ASPM: variants seen among roughly 807,000 people sequenced by gnomAD.
The protein encoded by ASPM is abnormal spindle-like microcephaly-associated protein.
ASPM carries 256 observed loss-of-function variants against 366.4 expected under a neutral mutation model. The ratio of observed to expected loss-of-function variants is 0.70; its 90% CI spans 0.63 to 0.77. The LOEUF (loss-of-function observed/expected upper bound fraction) is 0.77, where lower values mean the gene tolerates loss of function less well. ASPM is among the 30% of genes least tolerant of loss of function. The pLI, the probability that ASPM is intolerant of heterozygous loss-of-function variation, is 0.00. For missense variants in ASPM, 4,146 were observed against 4,090.4 expected, an observed-to-expected ratio of 1.01 and a Z score of -0.37; for synonymous variants, 1,414 against 1,342.9, an observed-to-expected ratio of 1.05 and a Z score of -1.16.
Position 197,091,919 on chromosome 1 carries a change from G to C in ASPM, c.9432C>G (p.Val3144=), listed in dbSNP as rs765140674. Reference sequence around the variant, plus strand: ...AGAAGAAGCAAACCTGAATACAGATGACTGAATTAACCTGCTTGTTAGCAT... The same window carrying C: ...AGAAGAAGCAAACCTGAATACAGATCACTGAATTAACCTGCTTGTTAGCAT... ...VKNANKQVNS[V]ICIQRWFRAR... The change falls in exon 22 of 28, where the codon GTC becomes GTG. Residue 3144 remains valine, a synonymous_variant. Transcript: ENST00000367409. 1.1e-5 allele frequency: 17 copies of C among 1,610,048 alleles called. No homozygotes were observed. In the South Asian group the frequency reaches 1.9e-4, roughly 18 times the overall value.
intron 17 of ASPM, among the ~76,000 whole-genome samples, chr1:197,109,742 G>A (rs1657529002): frequency 6.6e-6 from 1 of 151,888 alleles, no homozygotes; most frequent in Non-Finnish European, 1.5e-5. Context: ...AGAAATAAGT[G>A]AGTTTTTTTA....
At position 197,121,973 on chromosome 1, in the gene ASPM, C is replaced by T. The variant is rs762167214; in HGVS notation, c.3812G>A (p.Arg1271Gln). Residue 1271 changes from arginine to glutamine, a missense_variant, in exon 16 of 28, where the codon CGA becomes CAA. Arg to Gln is a conservative substitution (Grantham distance 43). Coordinates refer to ENST00000367409, the MANE Select transcript of ASPM (RefSeq NM_018136.5). ...LDLRKEIRAARLIQTTWRKYK... is the reference protein window; with the variant it reads ...LDLRKEIRAAQLIQTTWRKYK... ...TTTTCTCCATGTTGTTTGTATGAGT[C>T]GAGCAGCTCTTATTTCTTTACGAAG... 6.8e-6 allele frequency: 11 copies of T among 1,611,162 alleles called. No individual in the cohort carries two copies. The highest frequency in any genetic ancestry group is 2.2e-5 in the East Asian group (1 of 44,772).
rs536720246 is a variant in ASPM at position 197,116,935 on chromosome 1, G to A, written c.4065+854C>T. ...GGTTAGCTTGAGCTGGGATGGGAGA[G>A]TTAATTGAAAAATGCCTTTTGCTAC... On this transcript the variant is annotated intron_variant, in intron 17 of 27. Transcript: ENST00000367409. Among the ~76,000 whole-genome samples the A allele has an allele frequency of 1.4e-4, 21 of 152,202 alleles. 1 individual carries two copies. The East Asian group carries it at 3.9e-3, about 28-fold the overall frequency.
Position 197,104,254 on chromosome 1 carries a change from T to A in ASPM, c.4997A>T (p.Tyr1666Phe). The change falls in exon 18 of 28, where the codon TAT becomes TTT. Residue 1666 changes from tyrosine to phenylalanine, a missense_variant. Physicochemically the swap from Tyr to Phe is conservative, Grantham distance 22 (BLOSUM62 3). Around this residue, in one of 3 missense-constraint regions of ASPM, gnomAD observed 3,624 missense variants for 3,591.7 expected, o/e 1.01. Coordinates refer to ENST00000367409, the MANE Select transcript of ASPM (RefSeq NM_018136.5). ...TTCCTTTTTAGAAACATAAGCACGA[T>A]AATATGATTGAATCTTTATAACAGA... The part of the protein sequence containing the change: ...LTSVIKIQSY[Y>F]RAYVSKKEFL... The A allele has an allele frequency of 6.2e-7, 1 of 1,612,940 alleles. No individual in the cohort carries two copies. The highest frequency in any genetic ancestry group is 8.5e-7 in the Non-Finnish European group (1 of 1,179,390).
At chr1:197,097,006 C>T (rs1173204222) in intron 18 of ASPM, among the ~76,000 whole-genome samples, 1 of 151,744 alleles carries the variant, frequency 6.6e-6, no homozygotes, top group Non-Finnish European at 1.5e-5. Flanking sequence ...AACATCCCTA[C>T]AGGAAGAGGA....
intron 4 of ASPM, chr1:197,138,944 T>C: frequency 1.3e-6 from 1 of 761,484 alleles, no homozygotes; most frequent in Non-Finnish European, 2.4e-6. Flanking sequence ...TTTCAGCTTC[T>C]TTCTCCTTGA....
chr1:197,132,297 T>C lies in ASPM; in HGVS notation c.2475A>G (p.Arg825=). ...AATATATGCTTACCTCTAGACCAAT[T>C]CGAAGCCACAAAGGATTGTAGGACA... ...WLLSYNPLWL[R]IGLETTYGEL... Residue 825 remains arginine (R), a synonymous_variant, in exon 7 of 28, where the codon CGA becomes CGG. Coordinates refer to ENST00000367409, the MANE Select transcript of ASPM (RefSeq NM_018136.5). The C allele has an allele frequency of 6.2e-7, 1 of 1,612,738 alleles. No homozygotes were observed. Among genetic ancestry groups the C allele is most frequent in the Non-Finnish European group, 8.5e-7 (1 of 1,179,182 alleles).
chr1:197,136,157 T>C (rs918188498), intron 4 of ASPM, among the ~76,000 whole-genome samples: 1 of 152,100 alleles, frequency 6.6e-6, no homozygotes, highest in African/African-American at 2.4e-5. Context: ...CCTTCAAAAA[T>C]AAGGGAGAAA....
At chr1:197,095,963 A>G (rs1056039065) in intron 19 of ASPM, 35 bp downstream of exon 19, 3 of 1,543,990 alleles carry the variant, frequency 1.9e-6, no homozygotes, top group Non-Finnish European at 2.7e-6. Context: ...ACACACAAAT[A>G]CTTTTACACT....
At chr1:197,128,417 T>C (rs761638782) in intron 10 of ASPM, 73 bp downstream of exon 10, 98 of 1,448,934 alleles carry the variant, frequency 6.8e-5, no homozygotes, top group Non-Finnish European at 9.0e-5. Context: ...GATTGAATAA[T>C]TACAAAAAAA....
At chr1:197,120,552 T>C (rs552942829) in intron 16 of ASPM, among the ~76,000 whole-genome samples, 72 of 152,086 alleles carry the variant, frequency 4.7e-4, no homozygotes, top group South Asian at 8.3e-4. Context: ...AAAATCTGAT[T>C]AATACAAGGC....
In ASPM at chr1:197,144,092, C is replaced by A. The variant is rs777019490; in HGVS notation, c.306G>T (p.Glu102Asp). ...TCCAGTTAACAGAAATAACAATTTT[C>A]TCTTTAGGCTATAATCAAAACAATA... The part of the protein sequence containing the change: ...SQRCFVLQPK[E>D]KIVISVNWTP... Residue 102 changes from glutamate (E) to aspartate (D), a missense_variant, in exon 2 of 28, where the codon GAG (glutamate) becomes GAT (aspartate). By Grantham distance (45) the Glu-to-Asp change is conservative. Coordinates refer to ENST00000367409, the MANE Select transcript of ASPM (RefSeq NM_018136.5). 1 of 1,601,086 alleles carries A rather than the reference C, an allele frequency of 6.2e-7. No homozygotes were observed. Among genetic ancestry groups the A allele is most frequent in the African/African-American group, 1.3e-5 (1 of 74,722 alleles).
rs188662021 is a variant in ASPM at position 197,136,456 on chromosome 1, G to A, written c.2027-1214C>T. 3.7e-4 allele frequency among the ~76,000 whole-genome samples: 56 copies of A among 152,198 alleles called. No individual in the cohort carries two copies. In the East Asian group the frequency reaches 8.1e-3, roughly 22 times the overall value. ...TGTAATTATAAATATGTTAGGTGGT[G>A]TACAATGAATAAAGATATAATCTGT... On this transcript the variant is annotated intron_variant, in intron 4 of 27. Coordinates refer to ENST00000367409, the MANE Select transcript of ASPM (RefSeq NM_018136.5).
At position 197,143,140 on chromosome 1, in the gene ASPM, A is replaced by G; in HGVS notation, c.1112T>C (p.Phe371Ser). 1 of 1,613,054 alleles carries G rather than the reference A, an allele frequency of 6.2e-7. No homozygotes were observed. The highest frequency in any genetic ancestry group is 8.5e-7 in the Non-Finnish European group (1 of 1,179,224). ...ATTTAGTCCATAATTATCTTTTATG[A>G]AAGAATCTGGACTTAAAATTTTCTG... is the stretch of plus-strand genomic sequence containing the variant. Reference protein sequence around the residue: ...IYQKILSPDSFIKDNYGLNQD... With the variant: ...IYQKILSPDSSIKDNYGLNQD... The change falls in exon 3 of 28, where the codon TTC becomes TCC. Residue 371 changes from phenylalanine to serine, a missense_variant. Physicochemically the swap from Phe to Ser is radical, Grantham distance 155 (BLOSUM62 -2). Coordinates refer to ENST00000367409, the MANE Select transcript of ASPM (RefSeq NM_018136.5).
In ASPM at chr1:197,138,590, G is replaced by T. The variant is rs138300677; in HGVS notation, c.2026+1177C>A. On this transcript the variant is annotated intron_variant, in intron 4 of 27. Coordinates refer to ENST00000367409, the MANE Select transcript of ASPM (RefSeq NM_018136.5). ...TGGGATCACAGGCATGAGCCACCAC[G>T]CCCCACTAGGAGTTCACACTTTAGT... 8.7e-3 allele frequency among the ~76,000 whole-genome samples: 1,327 copies of T among 152,282 alleles called. 16 individuals carry two copies. Among genetic ancestry groups the T allele is most frequent in the African/African-American group, 0.028 (1,172 of 41,554 alleles).
In ASPM at chr1:197,108,732, AG is replaced by A. The variant is rs369569298; in HGVS notation, c.4066-3548del. Among the ~76,000 whole-genome samples, 101 of 152,190 alleles carry A rather than the reference AG, an allele frequency of 6.6e-4. No homozygotes were observed. The East Asian group carries it at 0.019, about 29-fold the overall frequency. ...ACACCTGTATTCCTAGCACTTTAGG[AG>A]GCCAAGGCAGGAGGATGACTAGAGC... On this transcript the variant is annotated intron_variant, in intron 17 of 27. Coordinates refer to ENST00000367409, the MANE Select transcript of ASPM (RefSeq NM_018136.5).
chr1:197,097,658 C>T (rs1444433572), intron 18 of ASPM, among the ~76,000 whole-genome samples: 1 of 151,412 alleles, frequency 6.6e-6, no homozygotes, highest in East Asian at 1.9e-4. Flanking sequence ...TATGTATATC[C>T]CCAATACCTG....
At chr1:197,112,919 T>C (rs1657632126) in intron 17 of ASPM, among the ~76,000 whole-genome samples, 1 of 152,134 alleles carries the variant, frequency 6.6e-6, no homozygotes, top group Non-Finnish European at 1.5e-5. Flanking sequence ...AACTGAGACC[T>C]GACTCAAATT....
In ASPM at chr1:197,104,447, A is replaced by G. The variant is rs1657334663; in HGVS notation, c.4804T>C (p.Tyr1602His). Reference protein sequence around the residue: ...HVRKHQQRQKYKKMKKAAVII... With the variant: ...HVRKHQQRQKHKKMKKAAVII... ...ACAGCTGCTTTCTTCATCTTCTTAT[A>G]TTTCTGTCGTTGTTGATGTTTTCTT... Residue 1602 changes from tyrosine (Y) to histidine (H), a missense_variant, in exon 18 of 28, where the codon TAT (tyrosine) becomes CAT (histidine). Tyr to His is a moderately conservative substitution (Grantham distance 83, BLOSUM62 2). Coordinates refer to ENST00000367409, the MANE Select transcript of ASPM (RefSeq NM_018136.5). 3 of 1,612,896 alleles carry G rather than the reference A, an allele frequency of 1.9e-6. No homozygotes were observed. The highest frequency in any genetic ancestry group is 2.5e-6 in the Non-Finnish European group (3 of 1,179,384).
Sources: gnomAD v4.1 joint callset for allele counts (sites outside exome capture counted in the v4.1 genomes callset) on GRCh38, gnomAD v4.1.1 for gene constraint, gnomAD v4.1.1 regional missense constraint, MANE v1.5 for transcripts, NCBI Gene and HGNC (gene_info 2026-07-23, HGNC 2026-07-21) for gene names.